The following SAMHD1 variants were observed in gnomAD, a reference collection of about 807,000 sequenced individuals.
The protein encoded by SAMHD1 is SAM and HD domain containing deoxynucleoside triphosphate triphosphohydrolase 1, also known as deoxynucleoside triphosphate triphosphohydrolase SAMHD1.
SAMHD1 carries 54 observed loss-of-function variants against 79.6 expected under a neutral mutation model. The ratio of observed to expected loss-of-function variants is 0.68; its 90% CI spans 0.55 to 0.85. The LOEUF is 0.85. Ranked by LOEUF, SAMHD1 falls within the 40% of genes least tolerant of loss-of-function variation. The pLI is 0.00. For synonymous variants in SAMHD1, 260 were observed against 264.1 expected, an observed-to-expected ratio of 0.98 and a Z score of 0.15; for missense variants, 663 against 782.7, an observed-to-expected ratio of 0.85 and a Z score of 1.82.
chr20:36,927,341 G>T (rs1318942508), intron 5 of SAMHD1, 89 bp from the exon 6 acceptor site: 2 of 1,050,742 alleles, frequency 1.9e-6, no homozygotes, highest in South Asian at 1.3e-5. Flanking sequence ...TTTTGAGACG[G>T]AGTTTCGCTC....
chr20:36,946,221 G>A (rs1224812651), intron 2 of SAMHD1, among the ~76,000 whole-genome samples: 1 of 151,958 alleles, frequency 6.6e-6, no homozygotes, highest in Non-Finnish European at 1.5e-5. Flanking sequence ...CACCATCCTG[G>A]CTAACATGGT....
In SAMHD1 at chr20:36,939,413, C is replaced by T. The variant is rs566267772; in HGVS notation, c.348+1626G>A. ...TTCGAGACCAGCCTGACCAATATGG[C>T]GGAACCCTGTCTTTACTAAAAAAAA... On this transcript the variant is annotated intron_variant, in intron 3 of 15. Coordinates refer to ENST00000646673, the MANE Select transcript of SAMHD1 (RefSeq NM_015474.4). Among the ~76,000 whole-genome samples the T allele has an allele frequency of 1.6e-4, 25 of 151,802 alleles. No homozygotes were observed. The South Asian group carries it at 4.2e-3, about 25-fold the overall frequency.
chr20:36,913,235 G>C (rs1001796555), intron 9 of SAMHD1, among the ~76,000 whole-genome samples: 10 of 150,882 alleles, frequency 6.6e-5, no homozygotes, highest in African/African-American at 2.4e-4. Context: ...CTGACCTCAT[G>C]ATCTGCCCGC....
chr20:36,944,318 CAAAA>C (rs34572620), intron 2 of SAMHD1, among the ~76,000 whole-genome samples: 5 of 71,070 alleles, frequency 7.0e-5, no homozygotes, highest in East Asian at 9.3e-4. Flanking sequence ...GACTTCGTCT[CAAAA>C]AAAAAAAAAA....
rs375305404 is a variant in SAMHD1, at chr20:36,903,786, G to A, written c.1503+371C>T. The stretch of plus-strand genomic sequence containing the variant: ...AGGCTGGTTTTGAACTCCTGACTCA[G>A]GTGATCCACCCACCTCTGCCTCCCA... On this transcript the variant is annotated intron_variant, in intron 13 of 15. Coordinates refer to ENST00000646673, the MANE Select transcript of SAMHD1 (RefSeq NM_015474.4). 2.1e-4 allele frequency among the ~76,000 whole-genome samples: 31 copies of A among 150,204 alleles called. 1 individual carries two copies. The highest frequency in any genetic ancestry group is 1.6e-3 in the East Asian group (8 of 5,072).
chr20:36,938,511 G>A lies in SAMHD1; in HGVS notation c.348+2528C>T, dbSNP rs149275541. Among the ~76,000 whole-genome samples the A allele has an allele frequency of 7.8e-3, 1,193 of 152,168 alleles. 13 individuals carry two copies. Among genetic ancestry groups the A allele is most frequent in the African/African-American group, 0.028 (1,147 of 41,508 alleles). ...GCTGAGATCACGCCACTGCACTCCA[G>A]CCTGGGCAACCGAGTGAAACTCCCT... On this transcript the variant is annotated intron_variant, in intron 3 of 15. Coordinates refer to ENST00000646673, the MANE Select transcript of SAMHD1 (RefSeq NM_015474.4).
intron 1 of SAMHD1, 41 bp downstream of exon 1, chr20:36,951,395 G>T: frequency 6.2e-7 from 1 of 1,609,954 alleles, no homozygotes; most frequent in East Asian, 2.2e-5. Flanking sequence ...CCGCGCCCCA[G>T]GTCGCCGCCC....
At chr20:36,925,689 A>G (rs1342659064) in intron 6 of SAMHD1, among the ~76,000 whole-genome samples, 1 of 152,260 alleles carries the variant, frequency 6.6e-6, no homozygotes, top group Non-Finnish European at 1.5e-5. Context: ...TAAAATGTTG[A>G]GAGTTCTTTG....
chr20:36,899,073 G>A (rs1043637523), intron 13 of SAMHD1, among the ~76,000 whole-genome samples: 1 of 151,962 alleles, frequency 6.6e-6, no homozygotes, highest in African/African-American at 2.4e-5. Flanking sequence ...AAATGCACTT[G>A]TGTGTTTGAT....
intron 13 of SAMHD1, among the ~76,000 whole-genome samples, chr20:36,900,779 G>A (rs147054904): frequency 0.014 from 2,135 of 148,120 alleles, 20 homozygotes; most frequent in Non-Finnish European, 0.021. Flanking sequence ...TCACCATGTT[G>A]GCCAGGATGG....
At chr20:36,924,296 GGAAGGGAAA>G (rs1187852758) in intron 6 of SAMHD1, among the ~76,000 whole-genome samples, 1 of 148,052 alleles carries the variant, frequency 6.8e-6, no homozygotes, top group African/African-American at 2.5e-5. Context: ...GGAAAGAAAA[GGAAGGGAAA>G]GAAGGGAAGG....
chr20:36,947,510 T>G lies in SAMHD1; in HGVS notation c.209-706A>C, dbSNP rs1212898472. Among the ~76,000 whole-genome samples, 29 of 138,268 alleles carry G rather than the reference T, an allele frequency of 2.1e-4. No homozygotes were observed. In the East Asian group the frequency reaches 5.9e-3, roughly 28 times the overall value. 90.7% of individuals were successfully genotyped at this position (138,268 alleles called of 152,430 possible). On this transcript the variant is annotated intron_variant, in intron 1 of 15. Coordinates refer to ENST00000646673, the MANE Select transcript of SAMHD1 (RefSeq NM_015474.4). ...GTGTGTGAGTGTGTGTGTGTGTGTG[T>G]GTGTCCTGGGAAAGCACTCAATACT...
At chr20:36,933,577 A>G (rs1219556184) in intron 4 of SAMHD1, among the ~76,000 whole-genome samples, 1 of 151,988 alleles carries the variant, frequency 6.6e-6, no homozygotes, top group Non-Finnish European at 1.5e-5. Context: ...AGTTCACTGC[A>G]ACCTTGGCCT....
At chr20:36,947,799 C>G (rs944113849) in intron 1 of SAMHD1, among the ~76,000 whole-genome samples, 3 of 152,060 alleles carry the variant, frequency 2.0e-5, no homozygotes, top group African/African-American at 4.8e-5. Context: ...TCCTGAGTAG[C>G]TGGGACCACA....
In SAMHD1 at chr20:36,909,962, C is replaced by T. The variant is rs140975759; in HGVS notation, c.1270+1256G>A. The stretch of plus-strand genomic sequence containing the variant: ...TCAGGTGTGGCCGGGCGGTGTCTCA[C>T]GCCTGTAATCCCAGCACTTTCGGAG... On this transcript the variant is annotated intron_variant, in intron 11 of 15. Transcript: ENST00000646673. 3.9e-5 allele frequency among the ~76,000 whole-genome samples: 6 copies of T among 152,028 alleles called. No individual in the cohort carries two copies. The South Asian group carries it at 6.2e-4, about 16-fold the overall frequency.
chr20:36,937,472 T>C (rs1201064971), intron 3 of SAMHD1, among the ~76,000 whole-genome samples: 1 of 152,194 alleles, frequency 6.6e-6, no homozygotes, highest in African/African-American at 2.4e-5. Context: ...TTGTGTATCA[T>C]ATCTCCCATA....
chr20:36,916,193 CT>C (rs1165638816), intron 9 of SAMHD1, among the ~76,000 whole-genome samples: 1 of 152,010 alleles, frequency 6.6e-6, no homozygotes. Context: ...TGGAACCAAA[CT>C]TTTTGGGTTG....
chr20:36,903,594 G>A (rs1192664148), intron 13 of SAMHD1, among the ~76,000 whole-genome samples: 1 of 143,804 alleles, frequency 7.0e-6, no homozygotes. Flanking sequence ...CTGCTGCCCA[G>A]GCTGGAGTGC....
intron 1 of SAMHD1, among the ~76,000 whole-genome samples, chr20:36,949,755 CAAAAAAA>C (rs34682795): frequency 0.03 from 2,112 of 70,000 alleles, 23 homozygotes; most frequent in Non-Finnish European, 0.04. Context: ...GACTCTGTCT[CAAAAAAA>C]AAAAAAAAAA....
Sources: allele counts gnomAD v4.1 joint callset (sites outside exome capture counted in the v4.1 genomes callset), GRCh38; gene constraint gnomAD v4.1.1; transcripts MANE v1.5; gene names NCBI Gene and HGNC (gene_info 2026-07-23, HGNC 2026-07-21).